The following NEB variants were observed in gnomAD, a reference collection of about 807,000 sequenced individuals.
The protein encoded by NEB is nebulin.
Under a neutral mutation model 952.2 loss-of-function variants are expected in NEB, and 512 were observed. The ratio of observed to expected loss-of-function variants is 0.54; its 90% confidence interval spans 0.50 to 0.58. The LOEUF is 0.58. Among genes scored for constraint, NEB ranks in the 20% least tolerant of loss-of-function variants. NEB has a pLI of 0.00. For missense variants in NEB, 8,428 were observed against 9,231.1 expected (o/e 0.91, Z 3.56); for synonymous variants, 2,900 against 3,149.8 (o/e 0.92, Z 2.66).
In NEB at chr2:151,506,909, C is replaced by T. The variant is rs769787871; in HGVS notation, c.23556G>A (p.Ser7852=). 5 of 1,581,460 alleles carry T rather than the reference C, an allele frequency of 3.2e-6. No homozygotes were observed. Among genetic ancestry groups the T allele is most frequent in the East Asian group, 2.2e-5 (1 of 44,512 alleles). The change falls in exon 163 of 182, where the codon TCG becomes TCA. Residue 7852 remains serine, a splice_region_variant and synonymous_variant. Coordinates refer to ENST00000397345, the MANE Select transcript of NEB (RefSeq NM_001164508.2). ...RVKENQKNFS[S]VLYKEDVSPG... ...AATGCAAAATAAATAGTAAATATAC[C>T]GAGCTGAAATTCTTCTGATTTTCTT...
In NEB at chr2:151,537,946, A is replaced by G. The variant is rs750374820; in HGVS notation, c.21028T>C (p.Leu7010=). 2.2e-5 allele frequency: 36 copies of G among 1,613,354 alleles called. No homozygotes were observed. The South Asian group carries it at 3.6e-4, about 16-fold the overall frequency. ...TCAGGAATGGACCTCCAGATACCCA[A>G]CTGGCTCATGTAGTTCTCCTTGTAT... is the stretch of plus-strand genomic sequence containing the variant. The part of the protein sequence containing the change: ...IKYKENYMSQ[L]GIWRSIPDRP... Residue 7010 remains leucine (L), a synonymous_variant, in exon 140 of 182, where the codon TTG becomes CTG. Coordinates refer to ENST00000397345, the MANE Select transcript of NEB (RefSeq NM_001164508.2).
At chr2:151,502,701 A>AT (rs1311717154) in intron 167 of NEB, 92 bp downstream of exon 167, 2 of 752,274 alleles carry the variant, frequency 2.7e-6, no homozygotes, top group African/African-American at 3.5e-5. Flanking sequence ...CATTATTTTC[A>AT]TTATATGAAT....
rs1028981838 is a variant in NEB, at chr2:151,619,842, T to C, written c.10561-80A>G. ...GTTCTTTCTGTGGTGGTGCTTTCTA[T>C]GAAATCTTTAAGGCAACAGAGGAGT... On this transcript the variant is annotated intron_variant, in intron 72 of 181. Transcript: ENST00000397345. 3.5e-6 allele frequency: 5 copies of C among 1,442,718 alleles called. No individual in the cohort carries two copies. The South Asian group carries it at 5.5e-5, about 16-fold the overall frequency. 89.4% of individuals were successfully genotyped at this position (1,442,718 alleles called of 1,614,324 possible). A position where few individuals can be genotyped will look rare whatever the true frequency, so the allele number is the denominator to read the frequency against.
At chr2:151,731,972 T>C (rs1274186959) in intron 3 of NEB, among the ~76,000 whole-genome samples, 1 of 152,174 alleles carries the variant, frequency 6.6e-6, no homozygotes, top group East Asian at 1.9e-4. Flanking sequence ...TTCTATTTTT[T>C]CCCTCATATC....
At position 151,724,296 on chromosome 2, in the gene NEB, A is replaced by G. The variant is rs755554259; in HGVS notation, c.576T>C (p.Leu192=). The G allele has an allele frequency of 9.9e-6, 16 of 1,613,144 alleles. No individual in the cohort carries two copies. The highest frequency in any genetic ancestry group is 3.3e-5 in the Admixed American group (2 of 59,880). Residue 192 remains leucine, a synonymous_variant, in exon 8 of 182, where the codon CTT becomes CTC. Transcript: ENST00000397345. ...KYLLPPDAPE[L]VQAVKNTAMF... ...TGGCGGTGTTCTTAACGGCCTGGAC[A>G]AGTTCAGGGGCATCAGGAGGAAGCA...
intron 74 of NEB, among the ~76,000 whole-genome samples, chr2:151,617,727 AT>A (rs572030936): frequency 0.011 from 1,645 of 145,870 alleles, 12 homozygotes; most frequent in African/African-American, 0.025. Context: ...AGCACACAGT[AT>A]TTTTTTTTTT....
intron 180 of NEB, 37 bp downstream of exon 180, chr2:151,490,335 G>T (rs370366880): frequency 1.3e-6 from 2 of 1,573,124 alleles, no homozygotes; most frequent in African/African-American, 1.4e-5. Context: ...TGAGCTGGCC[G>T]GGTGGGACTG....
rs1449731510 is a variant in NEB, at chr2:151,489,977, A to G, written c.25398T>C (p.Thr8466=). ...TGAGTTGTTATTCACTTACTCCAGC[A>G]GTAGATGGATGAGATGGGATGGAAG... ...TVSSIPSHPS[T]AGKIFRAMYD... is the part of the protein sequence containing the mutation. Residue 8466 remains threonine, a synonymous_variant, in exon 181 of 182, where the codon ACT becomes ACC. Transcript: ENST00000397345. 1 of 1,585,692 alleles carries G rather than the reference A, an allele frequency of 6.3e-7. No homozygotes were observed. Among genetic ancestry groups the G allele is most frequent in the Non-Finnish European group, 8.7e-7 (1 of 1,154,158 alleles).
intron 129 of NEB, 96 bp from the exon 130 acceptor site, chr2:151,549,836 C>A: frequency 1.4e-6 from 1 of 709,730 alleles, no homozygotes; most frequent in East Asian, 2.7e-5. Flanking sequence ...ACAGTTTTGA[C>A]TAGATACTTA....
chr2:151,609,076 C>G (rs1168432697), intron 81 of NEB, among the ~76,000 whole-genome samples: 1 of 150,686 alleles, frequency 6.6e-6, no homozygotes, highest in African/African-American at 2.4e-5. Context: ...ACTGGAAATC[C>G]CTTTTGTGAT....
Position 151,664,504 on chromosome 2 carries a change from A to G in NEB, c.5448T>C (p.Ser1816=). 6.3e-7 allele frequency: 1 copy of G among 1,580,658 alleles called. No homozygotes were observed. Among genetic ancestry groups the G allele is most frequent in the Non-Finnish European group, 8.6e-7 (1 of 1,166,656 alleles). ...AAGGCCCAGTGCAAGCACTTACATC[A>G]CTGGCAATGTCTCTAGAGGCTCTTG... The part of the protein sequence containing the change: ...KAARASRDIA[S]DYKYKKAYEQ... Residue 1816 remains serine (S), a synonymous_variant, in exon 44 of 182, where the codon AGT becomes AGC. Coordinates refer to ENST00000397345, the MANE Select transcript of NEB (RefSeq NM_001164508.2).
Position 151,656,393 on chromosome 2 carries a change from G to T in NEB, c.6255C>A (p.Pro2085=), listed in dbSNP as rs2099085668. 6.2e-7 allele frequency: 1 copy of T among 1,613,320 alleles called. No individual in the cohort carries two copies. The highest frequency in any genetic ancestry group is 8.5e-7 in the Non-Finnish European group (1 of 1,179,608). The change falls in exon 49 of 182, where the codon CCC becomes CCA. Residue 2085 remains proline, a synonymous_variant. Transcript: ENST00000397345. ...CCACTTGCATGGAATGGACTAATTT[G>T]GGATCATCCTCGAGACTGCGGAAAC... The part of the protein sequence containing the change: ...MVGFRSLEDD[P]KLVHSMQVAK...
At position 151,643,104 on chromosome 2, in the gene NEB, T is replaced by C. The variant is rs775977243; in HGVS notation, c.8160+46A>G. On this transcript the variant is annotated intron_variant, in intron 58 of 181. Coordinates refer to ENST00000397345, the MANE Select transcript of NEB (RefSeq NM_001164508.2). ...ATACAAACAGACTTCAGTGTTTCCA[T>C]AAACAAAAAAAATTAATAACCTCCT... 3.2e-6 allele frequency: 5 copies of C among 1,554,382 alleles called. No homozygotes were observed. The South Asian group carries it at 5.8e-5, about 18-fold the overall frequency.
At chr2:151,722,030 G>A (rs923812774) in intron 9 of NEB, among the ~76,000 whole-genome samples, 17 of 152,298 alleles carry the variant, frequency 1.1e-4, no homozygotes, top group African/African-American at 3.8e-4. Context: ...GACCTCAAAA[G>A]TTGGAGACAC....
rs1028768654 is a variant in NEB at position 151,678,126 on chromosome 2, TGAAGACTTTG to T, written c.3307_3316del (p.Gln1103LysfsTer10). The stretch of plus-strand genomic sequence containing the variant: ...ATAATGAACCAGTTTAGGGTCATCT[TGAAGACTTTG>T]GAAGCCAACCATTTTCCCTTTAGCC... On this transcript the variant is annotated frameshift_variant, in exon 33 of 182. Transcript: ENST00000397345. LOFTEE classifies it high-confidence loss of function. The T allele has an allele frequency of 1.9e-6, 3 of 1,613,490 alleles. No homozygotes were observed. The highest frequency in any genetic ancestry group is 2.5e-6 in the Non-Finnish European group (3 of 1,179,620).
Position 151,562,679 on chromosome 2 carries a change from G to C in NEB, c.18823C>G (p.Gln6275Glu), listed in dbSNP as rs369143071. Reference sequence around the variant, plus strand: ...GGTTCTTCCAGAAGAGACGTCCACTGGTGGAAATAGTGTCGATACTCCAGG... The same window carrying C: ...GGTTCTTCCAGAAGAGACGTCCACTCGTGGAAATAGTGTCGATACTCCAGG... ...SDLEYRHYFH[Q>E]WTSLLEEPNV... The change falls in exon 120 of 182, where the codon CAG becomes GAG. Residue 6275 changes from glutamine to glutamate, a missense_variant. Around this residue, in one of 11 missense-constraint regions of NEB, gnomAD observed 3,374 missense variants for 3,651.5 expected, o/e 0.92. Coordinates refer to ENST00000397345, the MANE Select transcript of NEB (RefSeq NM_001164508.2). The C allele has an allele frequency of 1.3e-5, 21 of 1,603,822 alleles. No individual in the cohort carries two copies. Among genetic ancestry groups the C allele is most frequent in the South Asian group, 1.2e-4 (11 of 89,820 alleles).
intron 52 of NEB, among the ~76,000 whole-genome samples, chr2:151,652,230 A>T: frequency 6.6e-6 from 1 of 151,936 alleles, no homozygotes; most frequent in East Asian, 1.9e-4. Flanking sequence ...CCTTTAAAGA[A>T]TTTTTTTATT....
In NEB at chr2:151,568,420, A is replaced by AT; in HGVS notation, c.17635-4_17635-3insA. 1.2e-6 allele frequency: 1 copy of AT among 814,246 alleles called. No homozygotes were observed. Among genetic ancestry groups the AT allele is most frequent in the Non-Finnish European group, 1.7e-6 (1 of 600,966 alleles). 50.4% of individuals were successfully genotyped at this position (814,246 alleles called of 1,614,324 possible). ...TTCCAGTCTTTCCGGTATTTAATCT[A>AT]AAAAAAAAAAAATGAGAGGCAAGGG... On this transcript the variant is annotated splice_region_variant and splice_polypyrimidine_tract_variant and intron_variant, in intron 111 of 181. Transcript: ENST00000397345.
rs566381567 is a variant in NEB, at chr2:151,664,835, T to C, written c.5267A>G (p.Asp1756Gly). 10 of 1,612,738 alleles carry C rather than the reference T, an allele frequency of 6.2e-6. No individual in the cohort carries two copies. In the South Asian group the frequency reaches 1.1e-4, roughly 18 times the overall value. The part of the protein sequence containing the change: ...KRLYTEKWNK[D>G]KTTIHVMPDT... ...AGGCATGACATGAATGGTGGTCTTGTCCTTGTTCCATTTTTCAGTGTAGAG... is the reference window on the plus strand; with the variant it reads ...AGGCATGACATGAATGGTGGTCTTGCCCTTGTTCCATTTTTCAGTGTAGAG... The change falls in exon 43 of 182, where the codon GAC becomes GGC. Residue 1756 changes from aspartate (D) to glycine (G), a missense_variant. Transcript: ENST00000397345.
Sources: gnomAD v4.1 joint callset for allele counts (sites outside exome capture counted in the v4.1 genomes callset) on GRCh38, gnomAD v4.1.1 for gene constraint, gnomAD v4.1.1 regional missense constraint, MANE v1.5 for transcripts, NCBI Gene and HGNC (gene_info 2026-07-23, HGNC 2026-07-21) for gene names.